The following COQ6 variants were observed in gnomAD, a reference collection of about 807,000 sequenced individuals.
COQ6 encodes the protein coenzyme Q6, monooxygenase.
A neutral mutation model predicts 55.5 loss-of-function variants in COQ6; 45 were observed. That is an observed-to-expected ratio of 0.81 (90% confidence interval 0.64 to 1.04). The LOEUF (loss-of-function observed/expected upper bound fraction) is 1.04, where lower values mean the gene tolerates loss of function less well. COQ6 is among the 50% of genes least tolerant of loss of function. COQ6 has a pLI of 0.00. For synonymous variants in COQ6, 206 were observed against 230.5 expected, an observed-to-expected ratio of 0.89 and a Z score of 0.96; for missense variants, 550 against 601.3, an observed-to-expected ratio of 0.91 and a Z score of 0.89.
At position 73,963,499 on chromosome 14, in the gene COQ6, C is replaced by T. The variant is rs930559170; in HGVS notation, c.*500C>T. ...TATACTGGACTTTCTGAAAGGAAAACCAGGTCTCATTAATGCTAGTTATTA... is the reference window on the plus strand; with the variant it reads ...TATACTGGACTTTCTGAAAGGAAAATCAGGTCTCATTAATGCTAGTTATTA... On this transcript the variant is annotated 3_prime_UTR_variant, in exon 12 of 12. Coordinates refer to ENST00000334571, the MANE Select transcript of COQ6 (RefSeq NM_182476.3). The T allele has an allele frequency of 1.7e-5, 3 of 176,910 alleles. No individual in the cohort carries two copies. Among genetic ancestry groups the T allele is most frequent in the African/African-American group, 7.2e-5 (3 of 41,686 alleles). The allele number at this position is 176,910 out of a possible 1,614,324, so 11.0% of individuals were successfully genotyped here. A position where few individuals can be genotyped will look rare whatever the true frequency, so the allele number is the denominator to read the frequency against.
At chr14:73,958,533 G>T in intron 5 of COQ6, 2 of 1,325,934 alleles carry the variant, frequency 1.5e-6, no homozygotes, top group Non-Finnish European at 9.7e-7. Context: ...CCAGAGTGTT[G>T]GGAATGGAGG....
chr14:73,960,709 T>G, intron 8 of COQ6: 1 of 584,788 alleles, frequency 1.7e-6, no homozygotes, highest in South Asian at 2.8e-5. Context: ...CTCCGTACAG[T>G]GATAGAAGTA....
upstream of COQ6, chr14:73,950,277 C>G: frequency 6.5e-7 from 1 of 1,539,776 alleles, no homozygotes; most frequent in Non-Finnish European, 8.7e-7. Flanking sequence ...CTGCTCCGGA[C>G]GCACTACGTA....
At chr14:73,955,958 A>G in intron 4 of COQ6, 30 bp downstream of exon 4, 1 of 1,613,572 alleles carries the variant, frequency 6.2e-7, no homozygotes, top group Non-Finnish European at 8.5e-7. Flanking sequence ...CCTTGCATTC[A>G]TTGGGAAGTG....
In COQ6 at chr14:73,958,208, T is replaced by C. The variant is rs753293292; in HGVS notation, c.543T>C (p.Pro181=). Residue 181 remains proline (P), a synonymous_variant, in exon 5 of 12, where the codon CCT becomes CCC. Transcript: ENST00000334571. Reference sequence around the variant, plus strand: ...GCTATACCTGGCCTTGTCCATTTCCTATGGCCGACTCCAGCCCTTGGGTTC... The same window carrying C: ...GCTATACCTGGCCTTGTCCATTTCCCATGGCCGACTCCAGCCCTTGGGTTC... ...AIRYTWPCPF[P]MADSSPWVHI... is the part of the protein sequence containing the mutation. 1.2e-5 allele frequency: 19 copies of C among 1,614,024 alleles called. No individual in the cohort carries two copies. Among genetic ancestry groups the C allele is most frequent in the African/African-American group, 2.7e-5 (2 of 74,916 alleles).
intron 2 of COQ6, among the ~76,000 whole-genome samples, chr14:73,954,303 A>G (rs552147915): frequency 1.9e-4 from 29 of 152,196 alleles, no homozygotes; most frequent in Non-Finnish European, 3.4e-4. Context: ...ATGAAGAGCT[A>G]AAAAATAGAA....
intron 4 of COQ6, chr14:73,956,608 T>TA (rs1207311759): frequency 6.6e-6 from 1 of 152,254 alleles, no homozygotes; most frequent in Admixed American, 6.6e-5. Context: ...CCTTAATAAC[T>TA]AATGATGCTG....
chr14:73,951,785 C>G (rs2056204629), intron 1 of COQ6, among the ~76,000 whole-genome samples: 1 of 151,484 alleles, frequency 6.6e-6, no homozygotes, highest in Non-Finnish European at 1.5e-5. Context: ...CTGTTCCACC[C>G]TATGATCCTC....
chr14:73,960,060 G>A (rs1379545918), intron 8 of COQ6: 2 of 1,004,172 alleles, frequency 2.0e-6, no homozygotes, highest in Non-Finnish European at 2.4e-6. Flanking sequence ...CTGCCTGGGT[G>A]GTGGTTAGCA....
At chr14:73,960,090 G>GT in intron 8 of COQ6, 4 of 1,001,240 alleles carry the variant, frequency 4.0e-6, no homozygotes, top group South Asian at 4.3e-5. Flanking sequence ...TTTTGAAGCT[G>GT]TAACACTTGG....
rs374882898 is a variant in COQ6 at position 73,951,534 on chromosome 14, G to T, written c.163+1039G>T. Among the ~76,000 whole-genome samples the T allele has an allele frequency of 2.7e-5, 4 of 148,840 alleles. No homozygotes were observed. In the East Asian group the frequency reaches 6.1e-4, roughly 23 times the overall value. On this transcript the variant is annotated intron_variant, in intron 1 of 11. Transcript: ENST00000334571. Reference sequence around the variant, plus strand: ...GTAGAGACGGGGTTTCACCATATTGGCCAGGCTGGTCTCGAACTCCTGATC... The same window carrying T: ...GTAGAGACGGGGTTTCACCATATTGTCCAGGCTGGTCTCGAACTCCTGATC...
intron 5 of COQ6, 173 bp downstream of exon 5, chr14:73,958,450 C>G (rs946898424): frequency 4.1e-6 from 6 of 1,479,130 alleles, no homozygotes; most frequent in Non-Finnish European, 5.4e-6. Flanking sequence ...ATCGTAAATC[C>G]TGTACAGGGA....
rs755821468 is a variant in COQ6, at chr14:73,958,157, G to A, written c.492G>A (p.Thr164=). ...KQLEAVSDRV[T]VLYRSKAIRY... is the part of the protein sequence containing the mutation. ...TTTTGACCTCCCCAGACCGAGTGAC[G>A]GTTCTCTACAGGAGCAAAGCCATTC... Residue 164 remains threonine (T), a synonymous_variant, in exon 5 of 12, where the codon ACG becomes ACA. Coordinates refer to ENST00000334571, the MANE Select transcript of COQ6 (RefSeq NM_182476.3). 41 of 1,613,696 alleles carry A rather than the reference G, an allele frequency of 2.5e-5. No homozygotes were observed. The highest frequency in any genetic ancestry group is 3.3e-5 in the Admixed American group (2 of 59,958).
At chr14:73,950,522 G>A in intron 1 of COQ6, 27 bp downstream of exon 1, 2 of 1,581,882 alleles carry the variant, frequency 1.3e-6, no homozygotes, top group Non-Finnish European at 1.7e-6. Context: ...GCTACTAGTG[G>A]CCGGAAACCG....
At chr14:73,959,580 T>C in intron 8 of COQ6, 58 bp downstream of exon 8, 1 of 1,612,568 alleles carries the variant, frequency 6.2e-7, no homozygotes, top group Non-Finnish European at 8.5e-7. Context: ...AGAAAGGTGT[T>C]GTTTTTTTTT....
upstream of COQ6, chr14:73,950,041 G>C: frequency 1.2e-6 from 2 of 1,611,398 alleles, no homozygotes; most frequent in South Asian, 2.2e-5. Context: ...GCTGGACAGA[G>C]GCAGCAGCGA....
At chr14:73,961,969 C>G (rs1207389951) in intron 11 of COQ6, 66 bp downstream of exon 11, 2 of 1,578,326 alleles carry the variant, frequency 1.3e-6, no homozygotes, top group East Asian at 4.5e-5. Flanking sequence ...TTTTTTGAAA[C>G]AGAGTCTTGG....
chr14:73,955,463 G>A lies in COQ6; in HGVS notation c.311G>A (p.Trp104Ter). Residue 104 changes from tryptophan (W) to a stop codon, truncating the protein, a stop_gained, in exon 3 of 12, where the codon TGG becomes TAG. Transcript: ENST00000334571. LOFTEE classifies it high-confidence loss of function. ...CTTTCTTTTGTAGGTTTTGGTGCCT[G>A]GGACCATATCTGCAACATGAGATAC... ...SATLLSSFGA[W>*]DHICNMRYRA... 1 of 1,614,088 alleles carries A rather than the reference G, an allele frequency of 6.2e-7. No homozygotes were observed. The highest frequency in any genetic ancestry group is 2.2e-5 in the East Asian group (1 of 44,888).
rs140635862 is a variant in COQ6 at position 73,956,197 on chromosome 14, G to A, written c.481+269G>A. On this transcript the variant is annotated intron_variant, in intron 4 of 11. Transcript: ENST00000334571. ...GAAACAATTAGCCAGGCATGGTGGC[G>A]GGCGCCTATAGACCCAGCTACTTGG... 131 of 381,190 alleles carry A rather than the reference G, an allele frequency of 3.4e-4. No homozygotes were observed. In the East Asian group the frequency reaches 5.8e-3, roughly 17 times the overall value. The allele number at this position is 381,190 out of a possible 1,614,324, so 23.6% of individuals were successfully genotyped here.
Sources: allele counts gnomAD v4.1 joint callset (sites outside exome capture counted in the v4.1 genomes callset), GRCh38; gene constraint gnomAD v4.1.1; transcripts MANE v1.5; gene names NCBI Gene and HGNC (gene_info 2026-07-23, HGNC 2026-07-21).